Variants in CEP78 observed in about 807,000 individuals in gnomAD.
CEP78 encodes centrosomal protein of 78 kDa.
In CEP78, 76 loss-of-function variants were observed where a neutral mutation model predicts 81.2. The ratio of observed to expected loss-of-function variants is 0.94; its 90% confidence interval spans 0.78 to 1.13. The LOEUF (loss-of-function observed/expected upper bound fraction) is 1.13, where lower values mean the gene tolerates loss of function less well. Ranked by LOEUF, CEP78 falls within the 50% of genes most tolerant of loss-of-function variation. The pLI is 0.00. For missense variants in CEP78, 918 were observed against 846.8 expected, an observed-to-expected ratio of 1.08 and a Z score of -1.04; for synonymous variants, 293 against 301.4, an observed-to-expected ratio of 0.97 and a Z score of 0.29.
chr9:78,252,687 G>T (rs916995620), intron 9 of CEP78, among the ~76,000 whole-genome samples: 69 of 152,142 alleles, frequency 4.5e-4, no homozygotes, highest in African/African-American at 1.6e-3. Flanking sequence ...AAAACAAAGA[G>T]GATTGAATTT....
At chr9:78,243,738 C>A in intron 5 of CEP78, 102 bp downstream of exon 5, 2 of 814,888 alleles carry the variant, frequency 2.5e-6, no homozygotes, top group Non-Finnish European at 3.6e-6. Context: ...TTTTAAAAAG[C>A]CTCTTTTTTC....
rs764907515 is a variant in CEP78, at chr9:78,264,326, T to A, written c.1625+10T>A. On this transcript the variant is annotated intron_variant, in intron 13 of 16. Transcript: ENST00000643273. ...TCCTTAAAGATGCTGGGTTAGTTAC[T>A]TTCTCCCTATGACATTCGTCCCTCC... 26 of 1,611,982 alleles carry A rather than the reference T, an allele frequency of 1.6e-5. No homozygotes were observed. Among genetic ancestry groups the A allele is most frequent in the Non-Finnish European group, 2.2e-5 (26 of 1,178,704 alleles).
At chr9:78,239,536 G>A (rs1213005111) in intron 1 of CEP78, among the ~76,000 whole-genome samples, 1 of 152,158 alleles carries the variant, frequency 6.6e-6, no homozygotes, top group African/African-American at 2.4e-5. Context: ...AACCTGCTAG[G>A]GGTATCCTTA....
At chr9:78,241,502 C>G (rs72743757) in intron 3 of CEP78, among the ~76,000 whole-genome samples, 194 bp from the exon 4 acceptor site, 6,743 of 152,148 alleles carry the variant, frequency 0.044, 262 homozygotes, top group Admixed American at 0.14. Context: ...TGAACTATTG[C>G]AATAAACTGG....
At chr9:78,238,711 G>A (rs1826077561) in intron 1 of CEP78, among the ~76,000 whole-genome samples, 1 of 152,202 alleles carries the variant, frequency 6.6e-6, no homozygotes, top group African/African-American at 2.4e-5. Flanking sequence ...TCTCATTCAG[G>A]TGCAGGAACT....
intron 1 of CEP78, among the ~76,000 whole-genome samples, chr9:78,238,765 A>G (rs1826080822): frequency 6.6e-6 from 1 of 152,162 alleles, no homozygotes; most frequent in Non-Finnish European, 1.5e-5. Flanking sequence ...AAATAATATC[A>G]GGAACCAGGC....
At chr9:78,247,377 A>AAAGT (rs1295146237) in intron 6 of CEP78, among the ~76,000 whole-genome samples, 1 of 152,224 alleles carries the variant, frequency 6.6e-6, no homozygotes. Flanking sequence ...AGATGCAGAT[A>AAAGT]AAGTACCTTC....
At position 78,254,822 on chromosome 9, in the gene CEP78, C is replaced by T; in HGVS notation, c.1252-14C>T. On this transcript the variant is annotated splice_polypyrimidine_tract_variant and intron_variant, in intron 10 of 16. Coordinates refer to ENST00000643273, the MANE Select transcript of CEP78 (RefSeq NM_001330691.3). Reference sequence around the variant, plus strand: ...GGTTTATATTATTATACAATCTTGTCCTCTTTTTTTAAGCAACCAGGTTTT... The same window carrying T: ...GGTTTATATTATTATACAATCTTGTTCTCTTTTTTTAAGCAACCAGGTTTT... 1 of 1,596,254 alleles carries T rather than the reference C, an allele frequency of 6.3e-7. No individual in the cohort carries two copies. The highest frequency in any genetic ancestry group is 8.6e-7 in the Non-Finnish European group (1 of 1,169,140).
chr9:78,252,169 T>C, intron 9 of CEP78, 126 bp downstream of exon 9: 1 of 765,494 alleles, frequency 1.3e-6, no homozygotes, highest in Non-Finnish European at 2.0e-6. Flanking sequence ...ATGTGGCTTC[T>C]GCCTCATGAA....
chr9:78,264,035 T>G, intron 12 of CEP78, 115 bp from the exon 13 acceptor site: 1 of 726,820 alleles, frequency 1.4e-6, no homozygotes, highest in Non-Finnish European at 2.1e-6. Flanking sequence ...TGGTAGAGAG[T>G]TAGATTAACT....
rs1827852791 is a variant in CEP78 at position 78,278,818 on chromosome 9, T to C, written c.*7967T>C. On this transcript the variant is annotated 3_prime_UTR_variant, in exon 17 of 17. Coordinates refer to ENST00000643273, the MANE Select transcript of CEP78 (RefSeq NM_001330691.3). ...GTCTTCTGGTAATTTTCTTTAGATT[T>C]CCCTTTTCAGAACCCTTTTGTGACA... 6.6e-6 allele frequency: 1 copy of C among 152,218 alleles called. No homozygotes were observed. The highest frequency in any genetic ancestry group is 1.5e-5 in the Non-Finnish European group (1 of 68,034). The allele number at this position is 152,218 out of a possible 1,614,324, so 9.4% of individuals were successfully genotyped here. A position where few individuals can be genotyped will look rare whatever the true frequency, so the allele number is the denominator to read the frequency against.
chr9:78,238,308 G>A (rs536490569), intron 1 of CEP78, among the ~76,000 whole-genome samples: 219 of 152,236 alleles, frequency 1.4e-3, no homozygotes, highest in African/African-American at 5.1e-3. Flanking sequence ...GGGGTGGGAG[G>A]AGGATCTCAG....
chr9:78,252,043 G>T lies in CEP78; in HGVS notation c.1205G>T (p.Arg402Met), dbSNP rs755245638. Residue 402 changes from arginine to methionine, a missense_variant and splice_region_variant, in exon 9 of 17, where the codon AGG becomes ATG. Coordinates refer to ENST00000643273, the MANE Select transcript of CEP78 (RefSeq NM_001330691.3). ...ACTGCAGAACGTGCAAAAAGACACA[G>T]GTAGGGTATTTTTATTTCCTATCTT... ...WRTAERAKRH[R>M]GFPLIKTRDI... The T allele has an allele frequency of 3.8e-6, 6 of 1,578,650 alleles. No homozygotes were observed. Among genetic ancestry groups the T allele is most frequent in the Non-Finnish European group, 5.2e-6 (6 of 1,155,454 alleles).
At chr9:78,270,005 A>G (rs1827656173) in intron 16 of CEP78, among the ~76,000 whole-genome samples, 1 of 152,216 alleles carries the variant, frequency 6.6e-6, no homozygotes, top group Non-Finnish European at 1.5e-5. Context: ...TGACTCCCAT[A>G]CATGTAGTGC....
At position 78,259,905 on chromosome 9, in the gene CEP78, A is replaced by G. The variant is rs1427741909; in HGVS notation, c.1381-3002A>G. Among the ~76,000 whole-genome samples the G allele has an allele frequency of 3.9e-5, 6 of 152,254 alleles. No homozygotes were observed. In the East Asian group the frequency reaches 1.2e-3, roughly 29 times the overall value. On this transcript the variant is annotated intron_variant, in intron 11 of 16. Transcript: ENST00000643273. ...CATTTAAGGAAGACAGTAACCTTTT[A>G]TCTATTAGAGAAAAACACACATTCT...
rs754874101 is a variant in CEP78 at position 78,236,544 on chromosome 9, A to G, written c.194A>G (p.Asn65Ser). 126 of 1,599,732 alleles carry G rather than the reference A, an allele frequency of 7.9e-5. 1 individual carries two copies. The highest frequency in any genetic ancestry group is 1.3e-4 in the African/African-American group (10 of 74,210). Residue 65 changes from asparagine to serine, a missense_variant, in exon 1 of 17, where the codon AAT becomes AGT. Asn to Ser is a conservative substitution (Grantham distance 46). Transcript: ENST00000643273. ...WAPLLSTLKI[N>S]KDLPLVSIKS... Reference sequence around the variant, plus strand: ...CCTCTGCTGAGCACCCTCAAGATCAATAAAGACCTGCCCTTGGTCTCCATC... The same window carrying G: ...CCTCTGCTGAGCACCCTCAAGATCAGTAAAGACCTGCCCTTGGTCTCCATC...
intron 4 of CEP78, 31 bp downstream of exon 4, chr9:78,241,830 G>C (rs1282208052): frequency 3.3e-6 from 4 of 1,198,250 alleles, no homozygotes; most frequent in Non-Finnish European, 5.0e-6. Context: ...TCATGAAAAT[G>C]TGTTATATGA....
At chr9:78,262,172 C>T (rs1329321419) in intron 11 of CEP78, among the ~76,000 whole-genome samples, 1 of 151,764 alleles carries the variant, frequency 6.6e-6, no homozygotes, top group Non-Finnish European at 1.5e-5. Flanking sequence ...TTTAGTGGCT[C>T]CATAGAGCAT....
At chr9:78,269,222 T>C (rs1215316121) in intron 16 of CEP78, among the ~76,000 whole-genome samples, 1 of 152,060 alleles carries the variant, frequency 6.6e-6, no homozygotes, top group Non-Finnish European at 1.5e-5. Flanking sequence ...TAAGATTTGG[T>C]TATGGGAAGT....
Sources: allele counts gnomAD v4.1 joint callset (sites outside exome capture counted in the v4.1 genomes callset), GRCh38; gene constraint gnomAD v4.1.1; transcripts MANE v1.5; gene names NCBI Gene and HGNC (gene_info 2026-07-23, HGNC 2026-07-21).